The following RNF216 variants were observed in gnomAD, a reference collection of about 807,000 sequenced individuals.
The protein encoded by RNF216 is ring finger protein 216, also known as E3 ubiquitin-protein ligase RNF216.
In RNF216, 72 loss-of-function variants were observed where a neutral mutation model predicts 110.8. The ratio of observed to expected loss-of-function variants is 0.65; its 90% CI spans 0.54 to 0.79. The LOEUF is 0.79. Among genes scored for constraint, RNF216 ranks in the 30% least tolerant of loss-of-function variants. The pLI is 0.00. For synonymous variants in RNF216, 495 were observed against 407.5 expected (o/e 1.21, Z -2.59); for missense variants, 1,342 against 1,141.2 (o/e 1.18, Z -2.54).
intron 2 of RNF216, among the ~76,000 whole-genome samples, chr7:5,757,146 T>C (rs1016274377): frequency 1.3e-5 from 2 of 152,232 alleles, no homozygotes; most frequent in Admixed American, 1.3e-4. Context: ...CAATCTTCTA[T>C]ATTCATACAA....
chr7:5,755,066 G>T (rs1363714566), intron 2 of RNF216, among the ~76,000 whole-genome samples: 1 of 145,412 alleles, frequency 6.9e-6, no homozygotes, highest in African/African-American at 2.5e-5. Flanking sequence ...AGGGAGGGAG[G>T]GAACTGAAGG....
chr7:5,665,424 G>A (rs1267974568), intron 13 of RNF216, among the ~76,000 whole-genome samples: 2 of 151,988 alleles, frequency 1.3e-5, no homozygotes, highest in African/African-American at 2.4e-5. Flanking sequence ...CCATTTCTAT[G>A]TACAGAACCA....
chr7:5,728,628 G>C (rs1170486063), intron 7 of RNF216, among the ~76,000 whole-genome samples: 1 of 151,960 alleles, frequency 6.6e-6, no homozygotes, highest in Non-Finnish European at 1.5e-5. Context: ...GCTTGGCCTA[G>C]ACCTTAGCAT....
At chr7:5,659,972 A>G (rs1224964464) in intron 13 of RNF216, among the ~76,000 whole-genome samples, 1 of 104,706 alleles carries the variant, frequency 9.6e-6, no homozygotes. Context: ...TTTTTTTTTT[A>G]GAGACAAGGT....
intron 13 of RNF216, among the ~76,000 whole-genome samples, chr7:5,652,957 A>T (rs1265960683): frequency 6.6e-6 from 1 of 152,218 alleles, no homozygotes; most frequent in African/African-American, 2.4e-5. Context: ...AAACCAAAGG[A>T]GACGGATCTT....
At chr7:5,670,216 G>A (rs1344268750) in intron 13 of RNF216, among the ~76,000 whole-genome samples, 6 of 152,126 alleles carry the variant, frequency 3.9e-5, no homozygotes, top group Non-Finnish European at 8.8e-5. Context: ...TTACAGGCGT[G>A]AGCTACCGTG....
intron 15 of RNF216, among the ~76,000 whole-genome samples, chr7:5,637,089 G>GA (rs537839918): frequency 2.1e-4 from 32 of 150,598 alleles, no homozygotes; most frequent in African/African-American, 4.6e-4. Flanking sequence ...AGCTCCAGCT[G>GA]AAAAAAAAAA....
intron 13 of RNF216, among the ~76,000 whole-genome samples, chr7:5,658,510 T>G (rs183005746): frequency 8.1e-4 from 123 of 151,716 alleles, no homozygotes; most frequent in African/African-American, 2.7e-3. Context: ...TACAAAAATA[T>G]AGCTGGCTGT....
chr7:5,752,210 A>G (rs377009603), intron 3 of RNF216, among the ~76,000 whole-genome samples: 39 of 152,180 alleles, frequency 2.6e-4, no homozygotes, highest in African/African-American at 8.9e-4. Context: ...TGAAAGTACA[A>G]TGAAAGAAAA....
chr7:5,647,191 A>T (rs558079013), intron 14 of RNF216, among the ~76,000 whole-genome samples: 18 of 151,390 alleles, frequency 1.2e-4, no homozygotes, highest in Admixed American at 5.3e-4. Context: ...GGGAGATAGG[A>T]GTTTTTGGAA....
intron 2 of RNF216, among the ~76,000 whole-genome samples, chr7:5,754,823 T>C (rs1795532343): frequency 1.3e-5 from 2 of 151,270 alleles, no homozygotes; most frequent in Non-Finnish European, 2.9e-5. Flanking sequence ...AGGCCAGGAG[T>C]TCGAGACGAG....
intron 15 of RNF216, among the ~76,000 whole-genome samples, chr7:5,634,407 G>C (rs1345626094): frequency 6.6e-6 from 1 of 152,240 alleles, no homozygotes; most frequent in African/African-American, 2.4e-5. Context: ...TTAAGATTTA[G>C]TTTCAAATTA....
chr7:5,687,214 G>A (rs956103776), intron 13 of RNF216, among the ~76,000 whole-genome samples: 6 of 151,974 alleles, frequency 3.9e-5, no homozygotes, highest in Admixed American at 3.9e-4. Context: ...TGGCCAACAT[G>A]GTGAAACCCC....
chr7:5,635,944 T>C (rs1205850880), intron 15 of RNF216, among the ~76,000 whole-genome samples: 2 of 152,204 alleles, frequency 1.3e-5, no homozygotes, highest in Non-Finnish European at 2.9e-5. Flanking sequence ...AACTCTTACA[T>C]TCAAAAGACA....
chr7:5,721,850 G>A (rs1388957289), intron 8 of RNF216, among the ~76,000 whole-genome samples: 2 of 152,224 alleles, frequency 1.3e-5, no homozygotes, highest in African/African-American at 4.8e-5. Context: ...GAGAATAAAA[G>A]AGAGCAGAAT....
chr7:5,641,193 G>A lies in RNF216; in HGVS notation c.2343C>T (p.Cys781=). The stretch of plus-strand genomic sequence containing the variant: ...AGAGAGAGCATCTTGAACACTCCTG[G>A]CAAGGGGCTCCTGGTGAGCGGGGAT... The part of the protein sequence containing the change: ...CQHPRSPGAP[C]QECSRCSLWT... Residue 781 remains cysteine, a synonymous_variant, in exon 15 of 17, where the codon TGC becomes TGT. Transcript: ENST00000389902. 1.2e-6 allele frequency: 2 copies of A among 1,614,120 alleles called. No homozygotes were observed. Among genetic ancestry groups the A allele is most frequent in the East Asian group, 2.2e-5 (1 of 44,880 alleles).
Position 5,622,971 on chromosome 7 carries a change from G to T in RNF216, c.2661C>A (p.Tyr887Ter), listed in dbSNP as rs368570210. Residue 887 changes from tyrosine to a stop codon, truncating the protein, a stop_gained, in exon 17 of 17, where the codon TAC (tyrosine) becomes TAA (stop). Transcript: ENST00000389902. LOFTEE classifies it high-confidence loss of function. ...PLNMGPIPAP[Y>*]VPPLPNVRVN... ...CCCGCACGTTGGGCAGAGGGGGCAC[G>T]TACGGGGCTGGGATAGGCCCCATGT... 1 of 1,613,960 alleles carries T rather than the reference G, an allele frequency of 6.2e-7. No individual in the cohort carries two copies. The highest frequency in any genetic ancestry group is 1.3e-5 in the African/African-American group (1 of 74,926).
chr7:5,751,102 G>T (rs1330557921), intron 3 of RNF216, among the ~76,000 whole-genome samples: 1 of 152,138 alleles, frequency 6.6e-6, no homozygotes, highest in African/African-American at 2.4e-5. Context: ...CAGTCTCCTT[G>T]GTGTGCTGTG....
At chr7:5,732,035 C>T (rs1794122894) in intron 5 of RNF216, among the ~76,000 whole-genome samples, 1 of 152,148 alleles carries the variant, frequency 6.6e-6, no homozygotes. Context: ...CTCTAAGCTC[C>T]CCGCTTCCCT....
Sources: gnomAD v4.1 joint callset for allele counts (sites outside exome capture counted in the v4.1 genomes callset) on GRCh38, gnomAD v4.1.1 for gene constraint, MANE v1.5 for transcripts, NCBI Gene and HGNC (gene_info 2026-07-23, HGNC 2026-07-21) for gene names.